HIVEP2: variants seen among roughly 807,000 people sequenced by gnomAD.
HIVEP2 encodes HIVEP zinc finger 2.
A neutral mutation model predicts 180.7 loss-of-function variants in HIVEP2; 14 were observed. The ratio of observed to expected loss-of-function variants is 0.08; its 90% CI spans 0.05 to 0.12. The LOEUF (loss-of-function observed/expected upper bound fraction) is 0.12, where lower values mean the gene tolerates loss of function less well. Among genes scored for constraint, HIVEP2 ranks in the 10% least tolerant of loss-of-function variants. The pLI is 1.00. For missense variants in HIVEP2, 2,579 were observed against 3,008.5 expected (o/e 0.86, Z 3.34); for synonymous variants, 1,184 against 1,136.4 (o/e 1.04, Z -0.84).
intron 1 of HIVEP2, among the ~76,000 whole-genome samples, chr6:142,842,483 C>A (rs909221483): frequency 1.6e-4 from 24 of 152,078 alleles, no homozygotes; most frequent in African/African-American, 5.8e-4. Flanking sequence ...AAAAAAAAGA[C>A]CTGAACGTCT....
chr6:142,936,640 TA>T (rs1476605662), intron 1 of HIVEP2, among the ~76,000 whole-genome samples: 1 of 152,174 alleles, frequency 6.6e-6, no homozygotes, highest in African/African-American at 2.4e-5. Flanking sequence ...CACATATATA[TA>T]AAATAAATGG....
chr6:142,929,003 A>G (rs1378021809), intron 1 of HIVEP2, among the ~76,000 whole-genome samples: 2 of 152,212 alleles, frequency 1.3e-5, no homozygotes, highest in Non-Finnish European at 2.9e-5. Context: ...ATCCTAGGAA[A>G]TACTGTAGTG....
intron 1 of HIVEP2, among the ~76,000 whole-genome samples, chr6:142,856,278 C>T (rs1020179954): frequency 5.6e-4 from 60 of 107,492 alleles, no homozygotes; most frequent in African/African-American, 2.3e-3. Context: ...CAGGATTCTC[C>T]CCAAGCCATT....
intron 1 of HIVEP2, among the ~76,000 whole-genome samples, chr6:142,926,199 T>G (rs1427186877): frequency 6.6e-6 from 1 of 152,240 alleles, no homozygotes. Flanking sequence ...TCTAGCAAAA[T>G]AATATTATTA....
At chr6:142,923,286 G>C (rs923418878) in intron 1 of HIVEP2, among the ~76,000 whole-genome samples, 6 of 151,446 alleles carry the variant, frequency 4.0e-5, no homozygotes, top group African/African-American at 1.5e-4. Context: ...AGCTGAGATC[G>C]TGCCACTGTA....
chr6:142,755,307 C>T (rs1356270818), intron 9 of HIVEP2, among the ~76,000 whole-genome samples: 4 of 152,160 alleles, frequency 2.6e-5, no homozygotes, highest in Admixed American at 6.5e-5. Context: ...GGGAATTTTA[C>T]GGTATGAGAA....
At chr6:142,907,598 C>A (rs1429853581) in intron 1 of HIVEP2, among the ~76,000 whole-genome samples, 1 of 152,222 alleles carries the variant, frequency 6.6e-6, no homozygotes, top group Non-Finnish European at 1.5e-5. Context: ...TACTTTGCCT[C>A]TACCCTACTC....
At chr6:142,937,611 A>G (rs1377770464) in intron 1 of HIVEP2, among the ~76,000 whole-genome samples, 1 of 152,230 alleles carries the variant, frequency 6.6e-6, no homozygotes, top group African/African-American at 2.4e-5. Flanking sequence ...AAGGGGAAAC[A>G]TTGTGCTAAG....
At chr6:142,923,143 G>T (rs1473519700) in intron 1 of HIVEP2, among the ~76,000 whole-genome samples, 1 of 152,114 alleles carries the variant, frequency 6.6e-6, no homozygotes, top group Non-Finnish European at 1.5e-5. Context: ...GACCAGCCTG[G>T]CCAAGATGGT....
chr6:142,833,071 G>C (rs1436072501), intron 2 of HIVEP2, among the ~76,000 whole-genome samples: 1 of 152,160 alleles, frequency 6.6e-6, no homozygotes, highest in Non-Finnish European at 1.5e-5. Context: ...CTAGACTGGT[G>C]ACTTGGTAGT....
In HIVEP2 at chr6:142,945,055, G is replaced by T. The variant is rs1778286837; in HGVS notation, c.-641+44C>A. The stretch of plus-strand genomic sequence containing the variant: ...GGCCCGGGCCTCGCGCCGCCAGCCC[G>T]CCCGGCCGCCTGCGCCGCGCGCCGC... On this transcript the variant is annotated intron_variant, in intron 1 of 9. Transcript: ENST00000367603. This position sits in a 1 kb window ranked among gnomAD's most constrained non-coding sequence, Gnocchi z 5.5. 1 of 146,210 alleles carries T rather than the reference G, an allele frequency of 6.8e-6. No homozygotes were observed. Among genetic ancestry groups the T allele is most frequent in the African/African-American group, 2.5e-5 (1 of 40,810 alleles). 9.1% of individuals were successfully genotyped at this position (146,210 alleles called of 1,614,324 possible).
At chr6:142,942,357 AAG>A (rs1778200704) in intron 1 of HIVEP2, among the ~76,000 whole-genome samples, 2 of 152,154 alleles carry the variant, frequency 1.3e-5, no homozygotes, top group African/African-American at 4.8e-5. Context: ...ATCAGCATAA[AAG>A]AGTCAAACAG....
chr6:142,935,864 T>A (rs753686233), intron 1 of HIVEP2, among the ~76,000 whole-genome samples: 1 of 152,236 alleles, frequency 6.6e-6, no homozygotes, highest in Admixed American at 6.5e-5. Flanking sequence ...GATGAATAAT[T>A]CACTTAAACA....
At chr6:142,824,904 G>A (rs1047650496) in intron 2 of HIVEP2, among the ~76,000 whole-genome samples, 1 of 151,950 alleles carries the variant, frequency 6.6e-6, no homozygotes, top group African/African-American at 2.4e-5. Context: ...GCTGGTAGAA[G>A]GCATTTCCCT....
At chr6:142,786,898 T>C (rs1453517439) in intron 2 of HIVEP2, among the ~76,000 whole-genome samples, 2 of 152,214 alleles carry the variant, frequency 1.3e-5, no homozygotes, top group Admixed American at 6.5e-5. Flanking sequence ...GTTAAATAAA[T>C]ACACACTATA....
intron 2 of HIVEP2, among the ~76,000 whole-genome samples, chr6:142,810,761 C>CAAAAAAAAAAAAAAAAAA (rs60893476): frequency 2.0e-5 from 2 of 100,746 alleles, no homozygotes; most frequent in African/African-American, 4.1e-5. Flanking sequence ...GACTCTGTCT[C>CAAAAAAAAAAAAAAAAAA]AAAAAAAAAA....
intron 4 of HIVEP2, among the ~76,000 whole-genome samples, 188 bp downstream of exon 4, chr6:142,775,959 T>C (rs1775688098): frequency 6.6e-6 from 1 of 151,738 alleles, no homozygotes; most frequent in Non-Finnish European, 1.5e-5. Context: ...TATATATTAC[T>C]ATAAAGTATA....
At chr6:142,933,210 C>G (rs994497464) in intron 1 of HIVEP2, among the ~76,000 whole-genome samples, 38 of 152,144 alleles carry the variant, frequency 2.5e-4, no homozygotes, top group African/African-American at 8.5e-4. Context: ...TCATGCCTGC[C>G]CCACTCACTG....
chr6:142,898,705 C>T (rs1341490755), intron 1 of HIVEP2, among the ~76,000 whole-genome samples: 1 of 152,056 alleles, frequency 6.6e-6, no homozygotes, highest in Non-Finnish European at 1.5e-5. Context: ...ATGTAGGTCA[C>T]TACTTTTCTC....
Sources: gnomAD v4.1 joint callset for allele counts (sites outside exome capture counted in the v4.1 genomes callset) on GRCh38, gnomAD v4.1.1 for gene constraint, Gnocchi (gnomAD v3.1) non-coding constraint, MANE v1.5 for transcripts, NCBI Gene and HGNC (gene_info 2026-07-23, HGNC 2026-07-21) for gene names.